CATSPERB: variants seen among roughly 807,000 people sequenced by gnomAD.
The protein encoded by CATSPERB is catsper channel auxiliary subunit beta, also known as cation channel sperm-associated auxiliary subunit beta.
A neutral mutation model predicts 128.3 loss-of-function variants in CATSPERB; 93 were observed. That is an observed-to-expected ratio of 0.72 (90% CI 0.61 to 0.86). CATSPERB has a LOEUF of 0.86. Ranked by LOEUF, CATSPERB falls within the 40% of genes least tolerant of loss-of-function variation. CATSPERB has a pLI of 0.00. For missense variants in CATSPERB, 1,153 were observed against 1,329.5 expected (o/e 0.87, Z 2.06); for synonymous variants, 381 against 448.8 (o/e 0.85, Z 1.91).
At chr14:91,688,236 G>C (rs928268679) in intron 10 of CATSPERB, among the ~76,000 whole-genome samples, 6 of 152,088 alleles carry the variant, frequency 3.9e-5, no homozygotes, top group African/African-American at 1.4e-4. Context: ...TCTGGACTTT[G>C]GTTCTTTTGT....
chr14:91,621,779 T>A lies in CATSPERB; in HGVS notation c.2089A>T (p.Thr697Ser). ...APNNMTFLKS[T>S]WFLYNFGQRN... ...TGCCCAAAGTTGTATAAGAACCATG[T>A]GCTCTTTAGAAAGGTCATATTGTTG... The change falls in exon 19 of 27, where the codon ACA (threonine) becomes TCA (serine). Residue 697 changes from threonine to serine, a missense_variant. Coordinates refer to ENST00000256343, the MANE Select transcript of CATSPERB (RefSeq NM_024764.4). The A allele has an allele frequency of 6.2e-7, 1 of 1,614,188 alleles. No homozygotes were observed. Among genetic ancestry groups the A allele is most frequent in the South Asian group, 1.1e-5 (1 of 91,086 alleles).
intron 4 of CATSPERB, among the ~76,000 whole-genome samples, chr14:91,719,933 T>C (rs955850488): frequency 3.9e-5 from 6 of 152,130 alleles, no homozygotes; most frequent in African/African-American, 1.4e-4. Context: ...TCTTGGGCAA[T>C]AAAGGTGCAA....
chr14:91,583,034 C>T (rs1893232298), intron 26 of CATSPERB, among the ~76,000 whole-genome samples: 1 of 152,202 alleles, frequency 6.6e-6, no homozygotes, highest in Non-Finnish European at 1.5e-5. Flanking sequence ...GCATCACTTT[C>T]CCATATCTGT....
chr14:91,587,680 C>A (rs1893328068), intron 25 of CATSPERB, among the ~76,000 whole-genome samples: 3 of 151,906 alleles, frequency 2.0e-5, no homozygotes, highest in African/African-American at 2.4e-5. Flanking sequence ...TGTGCTCGTC[C>A]ATATCCAGGT....
At chr14:91,624,300 G>C (rs112153149) in intron 18 of CATSPERB, among the ~76,000 whole-genome samples, 233 of 152,320 alleles carry the variant, frequency 1.5e-3, no homozygotes, top group Non-Finnish European at 2.6e-3. Flanking sequence ...TGGGCAACAT[G>C]GTGAAACCCC....
chr14:91,584,421 C>T (rs1423684756), intron 26 of CATSPERB, among the ~76,000 whole-genome samples: 1 of 152,192 alleles, frequency 6.6e-6, no homozygotes, highest in African/African-American at 2.4e-5. Flanking sequence ...AAGCTTTATA[C>T]ACTTTCTCTA....
At position 91,624,930 on chromosome 14, in the gene CATSPERB, T is replaced by A. The variant is rs1032183355; in HGVS notation, c.1820A>T (p.Glu607Val). 4.3e-6 allele frequency: 7 copies of A among 1,613,250 alleles called. No homozygotes were observed. The highest frequency in any genetic ancestry group is 5.9e-6 in the Non-Finnish European group (7 of 1,179,756). ...PKGFLSSVIA[E>V]MKEPFGLEEV... ...TTCTAATCCAAAGGGCTCTTTCATT[T>A]CTGCAATAACTGAGGACAAAAATCC... is the stretch of plus-strand genomic sequence containing the variant. The change falls in exon 18 of 27, where the codon GAA becomes GTA. Residue 607 changes from glutamate to valine, a missense_variant. Coordinates refer to ENST00000256343, the MANE Select transcript of CATSPERB (RefSeq NM_024764.4).
intron 13 of CATSPERB, 152 bp from the exon 14 acceptor site, chr14:91,670,124 C>G (rs893984749): frequency 3.0e-6 from 2 of 675,334 alleles, no homozygotes; most frequent in Non-Finnish European, 2.5e-6. Context: ...CTCTTTACTC[C>G]ACCACTCTGG....
At position 91,587,979 on chromosome 14, in the gene CATSPERB, T is replaced by C; in HGVS notation, c.3056A>G (p.Lys1019Arg). 1 of 1,588,886 alleles carries C rather than the reference T, an allele frequency of 6.3e-7. No individual in the cohort carries two copies. Among genetic ancestry groups the C allele is most frequent in the Non-Finnish European group, 8.6e-7 (1 of 1,158,428 alleles). Residue 1019 changes from lysine (K) to arginine (R), a missense_variant and splice_region_variant, in exon 25 of 27, where the codon AAG becomes AGG. Coordinates refer to ENST00000256343, the MANE Select transcript of CATSPERB (RefSeq NM_024764.4). ...TAAAAACAACAATGCCATCATTACC[T>C]TTATGCTTAAGTTGAGACCTGAAGG... ...YNPSGLNLSI[K>R]GSELFHFRVT...
intron 5 of CATSPERB, among the ~76,000 whole-genome samples, chr14:91,712,878 G>A (rs1276882403): frequency 6.6e-6 from 1 of 152,140 alleles, no homozygotes; most frequent in African/African-American, 2.4e-5. Flanking sequence ...GGAAACTAGA[G>A]TACTCAGAGA....
intron 6 of CATSPERB, among the ~76,000 whole-genome samples, chr14:91,707,080 C>T (rs899013972): frequency 6.6e-6 from 1 of 152,158 alleles, no homozygotes; most frequent in African/African-American, 2.4e-5. Flanking sequence ...TAAAATACCC[C>T]AATGGCTTTA....
chr14:91,673,323 C>A (rs1014248510), intron 12 of CATSPERB, among the ~76,000 whole-genome samples: 12 of 152,168 alleles, frequency 7.9e-5, no homozygotes, highest in Non-Finnish European at 1.6e-4. Context: ...CTTCTTCACC[C>A]ATCTCTAATT....
At chr14:91,657,186 T>C (rs536502274) in intron 15 of CATSPERB, among the ~76,000 whole-genome samples, 11 of 152,034 alleles carry the variant, frequency 7.2e-5, no homozygotes, top group African/African-American at 2.4e-4. Context: ...ATGGACCTAA[T>C]AGATATTTGC....
chr14:91,592,972 T>A (rs1047318811), intron 22 of CATSPERB, among the ~76,000 whole-genome samples: 3 of 152,192 alleles, frequency 2.0e-5, no homozygotes, highest in African/African-American at 7.2e-5. Flanking sequence ...TCCCAGCTGC[T>A]CCAGCTGTGG....
intron 26 of CATSPERB, among the ~76,000 whole-genome samples, chr14:91,586,269 T>A (rs985509): frequency 6.6e-6 from 1 of 152,164 alleles, no homozygotes; most frequent in African/African-American, 2.4e-5. Context: ...GGAAAGAAAG[T>A]GGAGCTTCTA....
chr14:91,704,559 T>G lies in CATSPERB; in HGVS notation c.609A>C (p.Ile203=), dbSNP rs1270658286. The change falls in exon 7 of 27, where the codon ATA becomes ATC. Residue 203 remains isoleucine (I), a synonymous_variant. Transcript: ENST00000256343. ...ATGAAGCTGTAGACCTACCATCAAC[T>G]ATTGTATCCACAATGAAGCCTAGTA... ...VALLGFIVDT[I]VDGVYIGITF... 3 of 1,612,114 alleles carry G rather than the reference T, an allele frequency of 1.9e-6. No individual in the cohort carries two copies. Among genetic ancestry groups the G allele is most frequent in the Non-Finnish European group, 2.5e-6 (3 of 1,179,288 alleles).
At chr14:91,622,105 T>A (rs933355745) in intron 18 of CATSPERB, among the ~76,000 whole-genome samples, 168 bp from the exon 19 acceptor site, 1 of 152,222 alleles carries the variant, frequency 6.6e-6, no homozygotes, top group African/African-American at 2.4e-5. Flanking sequence ...TTATAGAAAG[T>A]TTATCATAAA....
intron 1 of CATSPERB, 106 bp downstream of exon 1, chr14:91,731,824 C>T (rs1896217209): frequency 1.3e-5 from 2 of 152,226 alleles, no homozygotes; most frequent in South Asian, 4.2e-4. Flanking sequence ...CTATTTCCTC[C>T]CCCAGTTGGT....
rs559012581 is a variant in CATSPERB, at chr14:91,589,550, C to A, written c.2940G>T (p.Arg980Ser). ...AAACCCTACTCAGTTTCCAGTTGTG[C>A]CTCATGTTCACTTCAGTCACAGTAA... ...YLVTVTEVNM[R>S]HNWKLKHTVP... The change falls in exon 24 of 27, where the codon AGG becomes AGT. Residue 980 changes from arginine (R) to serine (S), a missense_variant. Physicochemically the swap from Arg to Ser is moderately radical, Grantham distance 110. Transcript: ENST00000256343. 6.8e-6 allele frequency: 11 copies of A among 1,612,678 alleles called. No homozygotes were observed. The Admixed American group carries it at 1.3e-4, about 20-fold the overall frequency.
Sources: allele counts gnomAD v4.1 joint callset (sites outside exome capture counted in the v4.1 genomes callset), GRCh38; gene constraint gnomAD v4.1.1; transcripts MANE v1.5; gene names NCBI Gene and HGNC (gene_info 2026-07-23, HGNC 2026-07-21).